Variants in PCBP3 observed in about 807,000 individuals in gnomAD.
The protein encoded by PCBP3 is poly(rC) binding protein 3.
Under a neutral mutation model 52.7 loss-of-function variants are expected in PCBP3, and 25 were observed. That is an observed-to-expected ratio of 0.47 (90% CI 0.35 to 0.66). The LOEUF is 0.66. Among genes scored for constraint, PCBP3 ranks in the 30% least tolerant of loss-of-function variants. The probability of loss-of-function intolerance (pLI) is 0.01; values close to 1 mark genes in which losing one functional copy is unlikely to be tolerated. For synonymous variants in PCBP3, 162 were observed against 183.0 expected (o/e 0.89, Z 0.93); for missense variants, 391 against 490.3 (o/e 0.80, Z 1.91).
intron 3 of PCBP3, chr21:45,744,150 CAT>C (rs1399443326): frequency 1.3e-5 from 2 of 151,286 alleles, no homozygotes; most frequent in African/African-American, 4.9e-5. Context: ...ATGTATATAA[CAT>C]ATATATGTTG....
At chr21:45,862,596 C>G (rs1440489653) in intron 5 of PCBP3, among the ~76,000 whole-genome samples, 1 of 152,124 alleles carries the variant, frequency 6.6e-6, no homozygotes, top group Non-Finnish European at 1.5e-5. Context: ...CTCCGATACT[C>G]GTTATTTTAG....
chr21:45,933,402 C>T (rs555518472), intron 15 of PCBP3, among the ~76,000 whole-genome samples: 1 of 152,240 alleles, frequency 6.6e-6, no homozygotes, highest in South Asian at 2.1e-4. Context: ...TAATGCCCTC[C>T]TAGGAAGATT....
chr21:45,726,764 T>G (rs958855763), intron 2 of PCBP3, among the ~76,000 whole-genome samples: 3 of 152,214 alleles, frequency 2.0e-5, no homozygotes. Context: ...CTGGAAAGCA[T>G]GCGTTCTGCT....
At chr21:45,787,201 G>GGAACGTA (rs111563074) in intron 4 of PCBP3, among the ~76,000 whole-genome samples, 1,727 of 152,278 alleles carry the variant, frequency 0.011, 48 homozygotes, top group African/African-American at 0.039. Flanking sequence ...GCCTGTTTCT[G>GGAACGTA]GAACGTAATT....
chr21:45,688,166 A>G (rs2147720985), intron 2 of PCBP3, among the ~76,000 whole-genome samples: 1 of 152,380 alleles, frequency 6.6e-6, no homozygotes, highest in Admixed American at 6.5e-5. Context: ...TTTTTCCTGT[A>G]CTAAAGCAAG....
intron 17 of PCBP3, 127 bp downstream of exon 17, chr21:45,940,326 C>T: frequency 1.3e-6 from 1 of 755,324 alleles, no homozygotes; most frequent in Non-Finnish European, 2.1e-6. Context: ...CCCCTTCTGT[C>T]CCCTCTGCTC....
chr21:45,732,497 C>T (rs376662824), intron 2 of PCBP3, among the ~76,000 whole-genome samples: 1 of 126,248 alleles, frequency 7.9e-6, no homozygotes. Flanking sequence ...TACTGGCTGC[C>T]TTTACGATTT....
At chr21:45,926,844 A>G (rs2075479768) in intron 13 of PCBP3, among the ~76,000 whole-genome samples, 1 of 152,238 alleles carries the variant, frequency 6.6e-6, no homozygotes, top group South Asian at 2.1e-4. Flanking sequence ...CAGACTGTAA[A>G]GGAAAATACT....
At chr21:45,843,492 G>A (rs549069779) in intron 4 of PCBP3, among the ~76,000 whole-genome samples, 1 of 151,850 alleles carries the variant, frequency 6.6e-6, no homozygotes, top group Admixed American at 6.6e-5. Flanking sequence ...AATGGGATTC[G>A]TGACTCACTA....
At chr21:45,738,256 A>AG (rs2086038332) in intron 3 of PCBP3, among the ~76,000 whole-genome samples, 1 of 147,264 alleles carries the variant, frequency 6.8e-6, no homozygotes, top group African/African-American at 2.6e-5. Context: ...TGCTTCTTAG[A>AG]GTTTTTTTTT....
rs570351698 is a variant in PCBP3, at chr21:45,871,054, G to A, written c.10+20959G>A. ...AGGCCATGCAGCCCAGTGCCCGGGA[G>A]AGACAGGAACCCCCTACAGGAAGGC... On this transcript the variant is annotated intron_variant, in intron 5 of 17. Coordinates refer to ENST00000681687, the MANE Select transcript of PCBP3 (RefSeq NM_001384156.1). The A allele has an allele frequency of 5.6e-5, 10 of 177,716 alleles. No individual in the cohort carries two copies. The Admixed American group carries it at 5.9e-4, about 10-fold the overall frequency. The allele number at this position is 177,716 out of a possible 1,614,324, so 11.0% of individuals were successfully genotyped here.
chr21:45,668,130 C>T (rs1423547466), intron 1 of PCBP3, among the ~76,000 whole-genome samples: 1 of 152,120 alleles, frequency 6.6e-6, no homozygotes, highest in Non-Finnish European at 1.5e-5. Flanking sequence ...AGGGCTATCT[C>T]AGGGCACTCC....
chr21:45,937,533 A>G (rs1263160057), intron 16 of PCBP3, among the ~76,000 whole-genome samples: 1 of 152,222 alleles, frequency 6.6e-6, no homozygotes, highest in East Asian at 1.9e-4. Context: ...GAGAGGCTGC[A>G]ATGGGAGTTG....
At chr21:45,939,717 G>T (rs2077248933) in intron 16 of PCBP3, among the ~76,000 whole-genome samples, 1 of 152,234 alleles carries the variant, frequency 6.6e-6, no homozygotes, top group African/African-American at 2.4e-5. Flanking sequence ...GGGGTGACCA[G>T]TGTGGAGCAC....
intron 5 of PCBP3, among the ~76,000 whole-genome samples, chr21:45,874,189 C>T (rs952017590): frequency 6.6e-6 from 1 of 152,248 alleles, no homozygotes; most frequent in Non-Finnish European, 1.5e-5. Flanking sequence ...ATGTCTAGAT[C>T]TCTAGTAAAA....
At chr21:45,707,729 C>T (rs1292313460) in intron 2 of PCBP3, among the ~76,000 whole-genome samples, 1 of 152,088 alleles carries the variant, frequency 6.6e-6, no homozygotes, top group Admixed American at 6.6e-5. Flanking sequence ...AGCATAATAT[C>T]CAAATAGTGG....
intron 4 of PCBP3, among the ~76,000 whole-genome samples, chr21:45,824,337 T>C (rs935478976): frequency 2.0e-5 from 3 of 152,202 alleles, no homozygotes; most frequent in Admixed American, 1.3e-4. Context: ...CATTCCCTTC[T>C]TTTTCTACAT....
rs966573120 is a variant in PCBP3, at chr21:45,664,829, C to T, written c.-278-4045C>T. Among the ~76,000 whole-genome samples the T allele has an allele frequency of 2.1e-5, 3 of 141,592 alleles. No individual in the cohort carries two copies. The South Asian group carries it at 7.2e-4, about 34-fold the overall frequency. 92.9% of individuals were successfully genotyped at this position (141,592 alleles called of 152,430 possible). A position where few individuals can be genotyped will look rare whatever the true frequency, so the allele number is the denominator to read the frequency against. On this transcript the variant is annotated intron_variant, in intron 1 of 17. Coordinates refer to ENST00000681687, the MANE Select transcript of PCBP3 (RefSeq NM_001384156.1). ...TCCCTTTCCTGTGTCCATGTGATCT[C>T]ATTGTTCAATTCCCACCTATGAGTG...
rs970885477 is a variant in PCBP3, at chr21:45,800,969, G to T, written c.-126+45517G>T. 6.6e-6 allele frequency among the ~76,000 whole-genome samples: 1 copy of T among 152,208 alleles called. No individual in the cohort carries two copies. Among genetic ancestry groups the T allele is most frequent in the Non-Finnish European group, 1.5e-5 (1 of 68,042 alleles). The stretch of plus-strand genomic sequence containing the variant: ...GTTCCCGCCTCCTCCAGGACTTGTT[G>T]CCCGTTCTGCGTGGCCACCCGTTCT... On this transcript the variant is annotated intron_variant, in intron 4 of 17. Transcript: ENST00000681687. The surrounding 1 kb of genome is among the most constrained non-coding windows in gnomAD (Gnocchi z 5.3).
Sources: gnomAD v4.1 joint callset for allele counts (sites outside exome capture counted in the v4.1 genomes callset) on GRCh38, gnomAD v4.1.1 for gene constraint, Gnocchi (gnomAD v3.1) non-coding constraint, MANE v1.5 for transcripts, NCBI Gene and HGNC (gene_info 2026-07-23, HGNC 2026-07-21) for gene names.